ANKRD12: variants seen among roughly 807,000 people sequenced by gnomAD.
ANKRD12 encodes ankyrin repeat domain-containing protein 12.
A neutral mutation model predicts 183.4 loss-of-function variants in ANKRD12; 85 were observed. That is an observed-to-expected ratio of 0.46 (90% CI 0.39 to 0.56). ANKRD12 has a LOEUF of 0.56. Among genes scored for constraint, ANKRD12 ranks in the 20% least tolerant of loss-of-function variants. The pLI is 0.00. For synonymous variants in ANKRD12, 914 were observed against 800.2 expected, an observed-to-expected ratio of 1.14 and a Z score of -2.40; for missense variants, 2,405 against 2,357.1, an observed-to-expected ratio of 1.02 and a Z score of -0.42.
intron 4 of ANKRD12, among the ~76,000 whole-genome samples, chr18:9,206,693 T>C (rs2035504758): frequency 6.6e-6 from 1 of 152,236 alleles, no homozygotes; most frequent in African/African-American, 2.4e-5. Flanking sequence ...ATTTGGAATA[T>C]ATCCAATTTG....
At chr18:9,221,099 A>G (rs1395894949) in intron 7 of ANKRD12, among the ~76,000 whole-genome samples, 2 of 152,168 alleles carry the variant, frequency 1.3e-5, no homozygotes, top group Admixed American at 1.3e-4. Context: ...TTTAAGGTGC[A>G]AGAAATATGA....
rs983609868 is a variant in ANKRD12, at chr18:9,147,940, C to T, written c.-52+10975C>T. Among the ~76,000 whole-genome samples the T allele has an allele frequency of 5.3e-5, 8 of 152,278 alleles. No homozygotes were observed. The East Asian group carries it at 1.4e-3, about 26-fold the overall frequency. On this transcript the variant is annotated intron_variant, in intron 1 of 12. Transcript: ENST00000262126. ...TTTTGCTAGAAGAGAAAGGAGATGGCAGAATTCTTAATTATGAATTTTTCT... is the reference window on the plus strand; with the variant it reads ...TTTTGCTAGAAGAGAAAGGAGATGGTAGAATTCTTAATTATGAATTTTTCT...
chr18:9,256,229 G>A lies in ANKRD12; in HGVS notation c.2962G>A (p.Asp988Asn). 1 of 1,594,576 alleles carries A rather than the reference G, an allele frequency of 6.3e-7. No homozygotes were observed. The highest frequency in any genetic ancestry group is 1.8e-5 in the Admixed American group (1 of 55,346). ...IQEEKKSSIVDGNKAQHEKPL... is the reference protein window; with the variant it reads ...IQEEKKSSIVNGNKAQHEKPL... The stretch of plus-strand genomic sequence containing the variant: ...GGAAGAAAAAAAATCAAGTATAGTA[G>A]ACGGTAATAAAGCACAACATGAAAA... The change falls in exon 9 of 13, where the codon GAC (aspartate) becomes AAC (asparagine). Residue 988 changes from aspartate (D) to asparagine (N), a missense_variant. Asp to Asn is a conservative substitution (Grantham distance 23, BLOSUM62 1). This residue lies in a region of ANKRD12 where 1,983 missense variants were observed against 1,725.9 expected (regional missense o/e 1.15). Transcript: ENST00000262126.
At chr18:9,209,412 T>C (rs2035658239) in intron 5 of ANKRD12, among the ~76,000 whole-genome samples, 1 of 152,216 alleles carries the variant, frequency 6.6e-6, no homozygotes, top group Non-Finnish European at 1.5e-5. Context: ...AAAATTTCTT[T>C]TGGCCCTGAA....
chr18:9,255,657 T>A lies in ANKRD12; in HGVS notation c.2390T>A (p.Ile797Lys). ...GGTATGAGTGCCATTGAGGAATCTA[T>A]AGGGCTTCATTTAGTGGAAAAGGAA... ...SLGMSAIEESIGLHLVEKEID... is the reference protein window; with the variant it reads ...SLGMSAIEESKGLHLVEKEID... Residue 797 changes from isoleucine (I) to lysine (K), a missense_variant, in exon 9 of 13, where the codon ATA becomes AAA. Around this residue, in one of 7 missense-constraint regions of ANKRD12, gnomAD observed 1,983 missense variants for 1,725.9 expected, o/e 1.15. Transcript: ENST00000262126. The A allele has an allele frequency of 1.3e-6, 2 of 1,586,154 alleles. No homozygotes were observed. The highest frequency in any genetic ancestry group is 1.7e-6 in the Non-Finnish European group (2 of 1,173,032).
intron 10 of ANKRD12, among the ~76,000 whole-genome samples, chr18:9,264,928 C>T (rs984800510): frequency 3.9e-5 from 6 of 152,294 alleles, no homozygotes; most frequent in East Asian, 1.9e-4. Flanking sequence ...ACGCAGAAGA[C>T]GGGTGATTTC....
intron 1 of ANKRD12, among the ~76,000 whole-genome samples, chr18:9,159,690 C>T (rs940384698): frequency 3.3e-5 from 5 of 151,932 alleles, no homozygotes; most frequent in East Asian, 1.9e-4. Flanking sequence ...CCACCCGCCT[C>T]GGCCTCCCAA....
intron 4 of ANKRD12, among the ~76,000 whole-genome samples, chr18:9,205,349 G>T (rs1391457184): frequency 6.7e-4 from 102 of 152,016 alleles, no homozygotes; most frequent in Non-Finnish European, 7.9e-4. Flanking sequence ...GGGTGTCTAA[G>T]TGTCTAGTTT....
At chr18:9,216,132 CA>C (rs2036090671) in intron 6 of ANKRD12, among the ~76,000 whole-genome samples, 1 of 149,122 alleles carries the variant, frequency 6.7e-6, no homozygotes, top group Admixed American at 6.7e-5. Flanking sequence ...AATGAAAAAG[CA>C]AAAAAGTGAG....
chr18:9,183,753 G>C (rs2033862198), intron 2 of ANKRD12, among the ~76,000 whole-genome samples: 4 of 151,704 alleles, frequency 2.6e-5, no homozygotes, highest in Admixed American at 2.6e-4. Context: ...GATTACACTG[G>C]CAAACTCTTC....
chr18:9,239,468 A>T, intron 8 of ANKRD12: 1 of 1,261,714 alleles, frequency 7.9e-7, no homozygotes, highest in Middle Eastern at 2.2e-4. Flanking sequence ...CTATGTATTG[A>T]TTTTTCAGAA....
At chr18:9,229,710 G>C (rs1222242521) in intron 8 of ANKRD12, among the ~76,000 whole-genome samples, 1 of 152,024 alleles carries the variant, frequency 6.6e-6, no homozygotes, top group Admixed American at 6.6e-5. Context: ...TGTGTTTTCT[G>C]CTTGTGTTGA....
intron 10 of ANKRD12, among the ~76,000 whole-genome samples, chr18:9,268,944 G>A (rs1222064719): frequency 6.6e-6 from 1 of 152,164 alleles, no homozygotes; most frequent in Non-Finnish European, 1.5e-5. Context: ...CAAAATCAAT[G>A]TGCAAAAATC....
intron 1 of ANKRD12, among the ~76,000 whole-genome samples, chr18:9,173,390 G>A (rs1002550148): frequency 6.6e-6 from 1 of 151,994 alleles, no homozygotes; most frequent in African/African-American, 2.4e-5. Context: ...TTTAAATGGG[G>A]TTTTTGTGGT....
intron 10 of ANKRD12, 143 bp downstream of exon 10, chr18:9,264,031 A>G (rs531940465): frequency 3.8e-6 from 3 of 783,628 alleles, no homozygotes; most frequent in East Asian, 3.4e-5. Context: ...TGTGTTTATT[A>G]GATGGAAAAA....
rs1160795037 is a variant in ANKRD12, at chr18:9,254,434, T to C, written c.1167T>C (p.Asn389=). The stretch of plus-strand genomic sequence containing the variant: ...TTAGGAAAGAACAACGAAAAGAAAA[T>C]GAACCTGAAGCAGAAAAAACTCATT... ...HILRKEQRKE[N]EPEAEKTHLF... is the part of the protein sequence containing the mutation. The change falls in exon 9 of 13, where the codon AAT becomes AAC. Residue 389 remains asparagine, a synonymous_variant. Coordinates refer to ENST00000262126, the MANE Select transcript of ANKRD12 (RefSeq NM_015208.5). The C allele has an allele frequency of 6.3e-7, 1 of 1,582,900 alleles. No individual in the cohort carries two copies. Among genetic ancestry groups the C allele is most frequent in the East Asian group, 2.3e-5 (1 of 44,204 alleles).
intron 1 of ANKRD12, among the ~76,000 whole-genome samples, chr18:9,163,965 C>G (rs1334093772): frequency 6.6e-6 from 1 of 152,154 alleles, no homozygotes; most frequent in Non-Finnish European, 1.5e-5. Context: ...AGGATCATGT[C>G]TTCTGCAAAC....
At position 9,230,443 on chromosome 18, in the gene ANKRD12, GTC is replaced by G. The variant is rs2036975132; in HGVS notation, c.943+8448_943+8449del. Among the ~76,000 whole-genome samples the G allele has an allele frequency of 3.3e-5, 5 of 151,814 alleles. No individual in the cohort carries two copies. The South Asian group carries it at 1.0e-3, about 32-fold the overall frequency. ...CCATAGATCCTTTGCATTTTTTTAA[GTC>G]TCTGTATTTTGTTTAGTTCTGCTGT... On this transcript the variant is annotated intron_variant, in intron 8 of 12. Transcript: ENST00000262126.
At chr18:9,276,347 T>G (rs2039832753) in intron 11 of ANKRD12, among the ~76,000 whole-genome samples, 1 of 152,142 alleles carries the variant, frequency 6.6e-6, no homozygotes, top group South Asian at 2.1e-4. Flanking sequence ...CAGAAAAATA[T>G]TTTTAGACTC....
Sources: gnomAD v4.1 joint callset for allele counts (sites outside exome capture counted in the v4.1 genomes callset) on GRCh38, gnomAD v4.1.1 for gene constraint, gnomAD v4.1.1 regional missense constraint, MANE v1.5 for transcripts, NCBI Gene and HGNC (gene_info 2026-07-23, HGNC 2026-07-21) for gene names.